The following NACC2 variants were observed in gnomAD, a reference collection of about 807,000 sequenced individuals.
NACC2 encodes NACC family member 2.
In NACC2, 8 loss-of-function variants were observed where a neutral mutation model predicts 25.1. That is an observed-to-expected ratio of 0.32 (90% confidence interval 0.19 to 0.57). The LOEUF (loss-of-function observed/expected upper bound fraction) is 0.57. Ranked by LOEUF, NACC2 falls within the 20% of genes least tolerant of loss-of-function variation. NACC2 has a pLI of 0.89. For missense variants in NACC2, 644 were observed against 650.2 expected (o/e 0.99, Z 0.10); for synonymous variants, 435 against 294.7 (o/e 1.48, Z -4.88).
chr9:136,063,135 G>C (rs1201035135), intron 1 of NACC2, among the ~76,000 whole-genome samples: 1 of 152,150 alleles, frequency 6.6e-6, no homozygotes, highest in Non-Finnish European at 1.5e-5. Flanking sequence ...CAGGTCTGTC[G>C]ATCTGTCTCT....
At chr9:136,056,312 G>C (rs1840923678) in intron 1 of NACC2, among the ~76,000 whole-genome samples, 1 of 152,312 alleles carries the variant, frequency 6.6e-6, no homozygotes, top group South Asian at 2.1e-4. Context: ...GCAGCTCTGG[G>C]CCAGGGCCCT....
chr9:136,076,063 C>T (rs939442746), intron 1 of NACC2, among the ~76,000 whole-genome samples: 2 of 152,070 alleles, frequency 1.3e-5, no homozygotes, highest in Admixed American at 6.6e-5. Flanking sequence ...GAACAGTCAT[C>T]GAAAACTTGG....
chr9:136,088,116 C>T (rs988051512), intron 1 of NACC2, among the ~76,000 whole-genome samples: 2 of 152,172 alleles, frequency 1.3e-5, no homozygotes, highest in Non-Finnish European at 2.9e-5. Flanking sequence ...CTTGTACGGT[C>T]GCCAGGTGGA....
At chr9:136,092,569 G>C (rs1035773426) in intron 1 of NACC2, among the ~76,000 whole-genome samples, 1 of 152,224 alleles carries the variant, frequency 6.6e-6, no homozygotes, top group Non-Finnish European at 1.5e-5. Context: ...GCCCAGGCCA[G>C]AAATGTCACC....
Position 136,022,047 on chromosome 9 carries a change from T to A in NACC2, c.887-5618A>T, listed in dbSNP as rs1387190716. Reference sequence around the variant, plus strand: ...TCCCCACGGGGGCAGCCTGCACGACTCTAGGTGGCCTCTGCTCATGGATCT... The same window carrying A: ...TCCCCACGGGGGCAGCCTGCACGACACTAGGTGGCCTCTGCTCATGGATCT... On this transcript the variant is annotated intron_variant, in intron 2 of 5. Transcript: ENST00000277554. This position sits in a 1 kb window ranked among gnomAD's most constrained non-coding sequence, Gnocchi z 4.4. Among the ~76,000 whole-genome samples, 3 of 152,202 alleles carry A rather than the reference T, an allele frequency of 2.0e-5. No individual in the cohort carries two copies. The highest frequency in any genetic ancestry group is 6.5e-5 in the Admixed American group (1 of 15,286).
rs1041197197 is a variant in NACC2, at chr9:136,055,291, C to T, written c.-59-4711G>A. ...CGACCCCCCTGCCTGAGTGTCGTCC[C>T]GGCAGGATTCACACAAGGACACAGG... On this transcript the variant is annotated intron_variant, in intron 1 of 5. Coordinates refer to ENST00000277554, the MANE Select transcript of NACC2 (RefSeq NM_144653.5). This position sits in a 1 kb window ranked among gnomAD's most constrained non-coding sequence, Gnocchi z 4.9. 2.0e-5 allele frequency among the ~76,000 whole-genome samples: 3 copies of T among 152,126 alleles called. No homozygotes were observed. The highest frequency in any genetic ancestry group is 1.9e-4 in the East Asian group (1 of 5,178).
chr9:136,042,565 C>T (rs1167396270), intron 2 of NACC2, among the ~76,000 whole-genome samples: 5 of 152,280 alleles, frequency 3.3e-5, no homozygotes, highest in East Asian at 3.9e-4. Flanking sequence ...TCTGCAAAAA[C>T]GAGCCCAACA....
In NACC2 at chr9:136,019,095, C is replaced by G. The variant is rs981001713; in HGVS notation, c.887-2666G>C. The G allele has an allele frequency of 3.3e-5, 5 of 152,244 alleles. No homozygotes were observed. The highest frequency in any genetic ancestry group is 1.2e-4 in the African/African-American group (5 of 41,452). 9.4% of individuals were successfully genotyped at this position (152,244 alleles called of 1,614,324 possible). ...TGCTGCTGGCTAAAAACACCCCGCC[C>G]CGAGTGGAAGCTCGTCCGCAAAGGT... On this transcript the variant is annotated intron_variant, in intron 2 of 5. Transcript: ENST00000277554. The surrounding 1 kb of genome is among the most constrained non-coding windows in gnomAD (Gnocchi z 5.2).
chr9:136,088,550 C>T (rs1830402434), intron 1 of NACC2, among the ~76,000 whole-genome samples: 1 of 152,188 alleles, frequency 6.6e-6, no homozygotes, highest in South Asian at 2.1e-4. Flanking sequence ...GCACTTGGGG[C>T]TCGTGGGGAC....
chr9:136,068,333 AC>A lies in NACC2; in HGVS notation c.-59-17754del, dbSNP rs1259007403. ...GTCAACATGGCAAAACCCTGTCTCT[AC>A]CAAAAAATACAAAAATTAGTTGGGC... On this transcript the variant is annotated intron_variant, in intron 1 of 5. Transcript: ENST00000277554. Among the ~76,000 whole-genome samples the A allele has an allele frequency of 7.5e-3, 1,132 of 151,044 alleles. 17 individuals carry two copies. The highest frequency in any genetic ancestry group is 0.026 in the African/African-American group (1,041 of 40,532).
At chr9:136,058,401 G>A (rs541931257) in intron 1 of NACC2, among the ~76,000 whole-genome samples, 22 of 152,378 alleles carry the variant, frequency 1.4e-4, no homozygotes, top group African/African-American at 3.4e-4. Flanking sequence ...AGGGGTGTCC[G>A]GCGGAAGCAG....
intron 1 of NACC2, among the ~76,000 whole-genome samples, chr9:136,063,481 C>G (rs1363234268): frequency 6.6e-6 from 1 of 152,216 alleles, no homozygotes; most frequent in Non-Finnish European, 1.5e-5. Context: ...TGTGGCCGAG[C>G]CTGCAAGTTC....
chr9:136,044,392 G>A (rs1840688218), intron 2 of NACC2, among the ~76,000 whole-genome samples: 2 of 152,178 alleles, frequency 1.3e-5, no homozygotes, highest in Non-Finnish European at 2.9e-5. Flanking sequence ...GCACATGACT[G>A]TGGTCTCGGC....
In NACC2 at chr9:136,008,474, C is replaced by T. The variant is rs1297243368; in HGVS notation, c.*3042G>A. The T allele has an allele frequency of 6.6e-6, 1 of 152,278 alleles. No individual in the cohort carries two copies. Among genetic ancestry groups the T allele is most frequent in the Non-Finnish European group, 1.5e-5 (1 of 68,088 alleles). The allele number at this position is 152,278 out of a possible 1,614,324, so 9.4% of individuals were successfully genotyped here. On this transcript the variant is annotated 3_prime_UTR_variant, in exon 6 of 6. Coordinates refer to ENST00000277554, the MANE Select transcript of NACC2 (RefSeq NM_144653.5). The stretch of plus-strand genomic sequence containing the variant: ...GATTCTATATAGGATATGCGTATTG[C>T]TAATAGTCAGGCTTAGGGATAAAGG...
At chr9:136,072,301 A>G (rs989787877) in intron 1 of NACC2, among the ~76,000 whole-genome samples, 18 of 151,704 alleles carry the variant, frequency 1.2e-4, no homozygotes, top group African/African-American at 4.1e-4. Flanking sequence ...ATCCCAGCAC[A>G]TTGGGAGGCC....
intron 2 of NACC2, among the ~76,000 whole-genome samples, chr9:136,038,643 T>C (rs1840588745): frequency 6.6e-6 from 1 of 152,230 alleles, no homozygotes; most frequent in Non-Finnish European, 1.5e-5. Context: ...TGGAAAAAGA[T>C]TACTTTATGG....
chr9:136,066,267 A>C (rs906839050), intron 1 of NACC2, among the ~76,000 whole-genome samples: 5 of 152,198 alleles, frequency 3.3e-5, no homozygotes, highest in Non-Finnish European at 7.3e-5. Context: ...CAAGAGACTT[A>C]TATCTAGAAT....
chr9:136,025,082 T>C (rs1840368394), intron 2 of NACC2, among the ~76,000 whole-genome samples: 1 of 152,032 alleles, frequency 6.6e-6, no homozygotes, highest in Non-Finnish European at 1.5e-5. Flanking sequence ...ATTGGAGAGA[T>C]GAAAATGGAC....
intron 1 of NACC2, among the ~76,000 whole-genome samples, chr9:136,074,982 G>C (rs937121494): frequency 6.6e-6 from 1 of 152,254 alleles, no homozygotes; most frequent in African/African-American, 2.4e-5. Flanking sequence ...TGTCGCGTAT[G>C]GGGCTGGGGG....
Sources: gnomAD v4.1 joint callset for allele counts (sites outside exome capture counted in the v4.1 genomes callset) on GRCh38, gnomAD v4.1.1 for gene constraint, Gnocchi (gnomAD v3.1) non-coding constraint, MANE v1.5 for transcripts, NCBI Gene and HGNC (gene_info 2026-07-23, HGNC 2026-07-21) for gene names.